APCDD1L: variants seen among roughly 807,000 people sequenced by gnomAD.
APCDD1L encodes the protein APC down-regulated 1 like.
Under a neutral mutation model 24.2 loss-of-function variants are expected in APCDD1L, and 21 were observed. The ratio of observed to expected loss-of-function variants is 0.87; its 90% CI spans 0.61 to 1.25. The LOEUF (loss-of-function observed/expected upper bound fraction) is 1.25, where lower values mean the gene tolerates loss of function less well. APCDD1L is among the 50% of genes most tolerant of loss of function. The pLI is 0.00. For synonymous variants in APCDD1L, 321 were observed against 323.6 expected, an observed-to-expected ratio of 0.99 and a Z score of 0.09; for missense variants, 704 against 711.7, an observed-to-expected ratio of 0.99 and a Z score of 0.12.
intron 1 of APCDD1L, among the ~76,000 whole-genome samples, chr20:58,504,222 A>G (rs73302578): frequency 0.03 from 4,640 of 152,266 alleles, 253 homozygotes; most frequent in African/African-American, 0.1. Flanking sequence ...AAGTAGCCCA[A>G]TGCATCTCCC....
At position 58,514,925 on chromosome 20, in the gene APCDD1L, G is replaced by A. The variant is rs567556125; in HGVS notation, c.-218C>T. 2.2e-4 allele frequency: 83 copies of A among 377,882 alleles called. No individual in the cohort carries two copies. Among genetic ancestry groups the A allele is most frequent in the African/African-American group, 1.5e-3 (72 of 47,820 alleles). 23.4% of individuals were successfully genotyped at this position (377,882 alleles called of 1,614,324 possible). ...AGCTGCGCACTCATAGGTCCAACTT[G>A]CCAGAAGAGGTGGAGACAGCCCCCG... On this transcript the variant is annotated 5_prime_UTR_variant, in exon 1 of 4. Transcript: ENST00000371149.
chr20:58,486,247 G>A (rs894280351), intron 1 of APCDD1L, among the ~76,000 whole-genome samples: 3 of 152,142 alleles, frequency 2.0e-5, no homozygotes, highest in African/African-American at 7.2e-5. Flanking sequence ...AACAGCATGA[G>A]CCTGTAAAAA....
At chr20:58,503,910 G>C (rs576473089) in intron 1 of APCDD1L, among the ~76,000 whole-genome samples, 1 of 152,202 alleles carries the variant, frequency 6.6e-6, no homozygotes, top group African/African-American at 2.4e-5. Context: ...AGGACACTCC[G>C]TGGGCAGAAT....
chr20:58,463,936 T>C (rs1349029145), intron 3 of APCDD1L, among the ~76,000 whole-genome samples: 1 of 151,648 alleles, frequency 6.6e-6, no homozygotes, highest in South Asian at 2.1e-4. Flanking sequence ...TTATTTTTTA[T>C]TTCTATAATG....
intron 1 of APCDD1L, among the ~76,000 whole-genome samples, chr20:58,503,020 C>A (rs759659873): frequency 1.3e-5 from 2 of 152,132 alleles, no homozygotes; most frequent in Non-Finnish European, 2.9e-5. Flanking sequence ...CCGACTTTTC[C>A]GGAAGTCAGG....
chr20:58,470,450 A>G (rs1989788500), intron 2 of APCDD1L, among the ~76,000 whole-genome samples, 159 bp downstream of exon 2: 1 of 152,106 alleles, frequency 6.6e-6, no homozygotes, highest in Non-Finnish European at 1.5e-5. Flanking sequence ...CTCCCATTGC[A>G]CTCTGGGAGG....
intron 1 of APCDD1L, among the ~76,000 whole-genome samples, chr20:58,480,181 A>G (rs1052395724): frequency 6.6e-6 from 1 of 152,072 alleles, no homozygotes; most frequent in African/African-American, 2.4e-5. Flanking sequence ...GGACTTTGCT[A>G]CCTTGGGAAA....
intron 1 of APCDD1L, among the ~76,000 whole-genome samples, chr20:58,486,456 G>A (rs1203268409): frequency 6.6e-6 from 1 of 152,076 alleles, no homozygotes; most frequent in African/African-American, 2.4e-5. Context: ...AGACAAAGAG[G>A]TTAAGAGACA....
chr20:58,487,351 C>T (rs1382581288), intron 1 of APCDD1L, among the ~76,000 whole-genome samples: 1 of 147,654 alleles, frequency 6.8e-6, no homozygotes, highest in East Asian at 2.0e-4. Flanking sequence ...ACTTCCAAAC[C>T]AGAAGAAAGA....
intron 1 of APCDD1L, among the ~76,000 whole-genome samples, chr20:58,491,451 G>A (rs1230196450): frequency 6.6e-6 from 1 of 152,100 alleles, no homozygotes; most frequent in African/African-American, 2.4e-5. Flanking sequence ...ATTACATCTT[G>A]TAACAGCACA....
At chr20:58,482,593 C>T (rs1251093116) in intron 1 of APCDD1L, among the ~76,000 whole-genome samples, 2 of 152,046 alleles carry the variant, frequency 1.3e-5, no homozygotes, top group African/African-American at 2.4e-5. Flanking sequence ...ATGACCACAG[C>T]GGGTGAGTCA....
Position 58,514,716 on chromosome 20 carries a change from G to A in APCDD1L, c.-9C>T, listed in dbSNP as rs201659085. The A allele has an allele frequency of 3.6e-4, 464 of 1,306,450 alleles. 2 individuals carry two copies. The highest frequency in any genetic ancestry group is 1.3e-4 in the Admixed American group (4 of 31,996). 80.9% of individuals were successfully genotyped at this position (1,306,450 alleles called of 1,614,324 possible). A position where few individuals can be genotyped will look rare whatever the true frequency, so the allele number is the denominator to read the frequency against. The stretch of plus-strand genomic sequence containing the variant: ...AGCATGGCTGCGGGCATCCCGTCGG[G>A]GCTGGCAGGACCGCCCGCCGGGCGC... On this transcript the variant is annotated 5_prime_UTR_variant, in exon 1 of 4. Transcript: ENST00000371149.
intron 1 of APCDD1L, among the ~76,000 whole-genome samples, chr20:58,490,942 T>C (rs1990214495): frequency 6.6e-6 from 1 of 152,240 alleles, no homozygotes; most frequent in African/African-American, 2.4e-5. Flanking sequence ...ATTATGTCCA[T>C]GTTGGGTCTA....
At chr20:58,512,708 C>A (rs1182050001) in intron 1 of APCDD1L, among the ~76,000 whole-genome samples, 1 of 152,160 alleles carries the variant, frequency 6.6e-6, no homozygotes, top group East Asian at 1.9e-4. Context: ...TTAACTGGGT[C>A]CTGTTTCCTT....
chr20:58,513,055 G>A (rs78527413), intron 1 of APCDD1L, among the ~76,000 whole-genome samples: 3,256 of 152,264 alleles, frequency 0.021, 50 homozygotes, highest in South Asian at 0.056. Flanking sequence ...GGGAAGCTCC[G>A]GCCTGCCAAA....
chr20:58,467,115 C>G lies in APCDD1L; in HGVS notation c.732G>C (p.Gln244His), dbSNP rs148291923. 3.1e-3 allele frequency: 5,054 copies of G among 1,606,250 alleles called. 10 individuals carry two copies. Among genetic ancestry groups the G allele is most frequent in the Non-Finnish European group, 4.0e-3 (4,721 of 1,178,808 alleles). The change falls in exon 3 of 4, where the codon CAG becomes CAC. Residue 244 changes from glutamine to histidine, a missense_variant. Coordinates refer to ENST00000371149, the MANE Select transcript of APCDD1L (RefSeq NM_153360.3). This position sits in a 1 kb window ranked among gnomAD's most constrained non-coding sequence, Gnocchi z 5.9. ...CAACACACACACTCACCAGTGCGCT[C>G]TGCAGCGGGCGCTGGTAGCCCGTGG... ...YRPTGYQRPL[Q>H]SALHHVQPCP...
chr20:58,459,846 T>C lies in APCDD1L; in HGVS notation c.*944A>G, dbSNP rs1989562653. ...CTTTGTCAGGCAGGCACAGGCAATC[T>C]TGGCAACCGAGGATGGCTGGGCAGG... On this transcript the variant is annotated 3_prime_UTR_variant, in exon 4 of 4. Coordinates refer to ENST00000371149, the MANE Select transcript of APCDD1L (RefSeq NM_153360.3). 1 of 152,812 alleles carries C rather than the reference T, an allele frequency of 6.5e-6. No homozygotes were observed. The highest frequency in any genetic ancestry group is 6.5e-5 in the Admixed American group (1 of 15,294). 9.5% of individuals were successfully genotyped at this position (152,812 alleles called of 1,614,324 possible). A position where few individuals can be genotyped will look rare whatever the true frequency, so the allele number is the denominator to read the frequency against.
chr20:58,508,996 G>A lies in APCDD1L; in HGVS notation c.49+5663C>T, dbSNP rs1301838949. Reference sequence around the variant, plus strand: ...CACGTGTGTGTGCATGTGCATGCGTGTGTGTGTGTGTGTGTGTGTGTGGAG... The same window carrying A: ...CACGTGTGTGTGCATGTGCATGCGTATGTGTGTGTGTGTGTGTGTGTGGAG... On this transcript the variant is annotated intron_variant, in intron 1 of 3. Coordinates refer to ENST00000371149, the MANE Select transcript of APCDD1L (RefSeq NM_153360.3). The surrounding 1 kb of genome is among the most constrained non-coding windows in gnomAD (Gnocchi z 4.0). Among the ~76,000 whole-genome samples the A allele has an allele frequency of 7.1e-6, 1 of 141,432 alleles. No homozygotes were observed. Among genetic ancestry groups the A allele is most frequent in the Non-Finnish European group, 1.5e-5 (1 of 65,300 alleles). 92.8% of individuals were successfully genotyped at this position (141,432 alleles called of 152,430 possible).
chr20:58,514,520 G>A, intron 1 of APCDD1L, 139 bp downstream of exon 1: 2 of 892,906 alleles, frequency 2.2e-6, no homozygotes, highest in Non-Finnish European at 3.0e-6. Flanking sequence ...ACTGGAGAAA[G>A]GCGCGCAGGG....
Sources: gnomAD v4.1 joint callset for allele counts (sites outside exome capture counted in the v4.1 genomes callset) on GRCh38, gnomAD v4.1.1 for gene constraint, Gnocchi (gnomAD v3.1) non-coding constraint, MANE v1.5 for transcripts, NCBI Gene and HGNC (gene_info 2026-07-23, HGNC 2026-07-21) for gene names.